SYT1: variants seen among roughly 807,000 people sequenced by gnomAD.
The protein encoded by SYT1 is synaptotagmin-1.
A neutral mutation model predicts 44.8 loss-of-function variants in SYT1; 8 were observed. That is an observed-to-expected ratio of 0.18 (90% CI 0.10 to 0.32). The LOEUF is 0.32. Among genes scored for constraint, SYT1 ranks in the 10% least tolerant of loss-of-function variants. SYT1 has a pLI of 1.00. For missense variants in SYT1, 286 were observed against 509.3 expected, an observed-to-expected ratio of 0.56 and a Z score of 4.22; for synonymous variants, 154 against 188.8, an observed-to-expected ratio of 0.82 and a Z score of 1.51.
chr12:79,110,738 G>A (rs1029998762), intron 3 of SYT1, among the ~76,000 whole-genome samples: 3 of 152,058 alleles, frequency 2.0e-5, no homozygotes, highest in African/African-American at 7.2e-5. Flanking sequence ...TCAAAATAAA[G>A]CATAAATAGA....
chr12:79,068,281 C>T (rs1423035587), intron 3 of SYT1, among the ~76,000 whole-genome samples: 1 of 152,080 alleles, frequency 6.6e-6, no homozygotes, highest in African/African-American at 2.4e-5. Flanking sequence ...GTAAATTAAA[C>T]TTTAAAAAGC....
At chr12:78,886,657 A>G (rs1039903528) in intron 1 of SYT1, among the ~76,000 whole-genome samples, 31 of 152,052 alleles carry the variant, frequency 2.0e-4, no homozygotes, top group African/African-American at 7.5e-4. Context: ...GCCTGCTCTG[A>G]GATGAGCATT....
At chr12:79,165,860 A>G (rs571386379) in intron 3 of SYT1, among the ~76,000 whole-genome samples, 1 of 152,160 alleles carries the variant, frequency 6.6e-6, no homozygotes, top group South Asian at 2.1e-4. Flanking sequence ...TTTTCTTTTG[A>G]AGAATAATAT....
At chr12:79,405,815 T>C (rs1835484267) in intron 9 of SYT1, among the ~76,000 whole-genome samples, 1 of 152,100 alleles carries the variant, frequency 6.6e-6, no homozygotes, top group Admixed American at 6.6e-5. Flanking sequence ...TCTGTTTCCA[T>C]GATTGTCTCC....
chr12:79,181,045 C>T (rs945164308), intron 3 of SYT1, among the ~76,000 whole-genome samples: 1 of 152,086 alleles, frequency 6.6e-6, no homozygotes, highest in Admixed American at 6.6e-5. Context: ...GACGTATATG[C>T]GTCCTCTCTG....
In SYT1 at chr12:79,130,009, T is replaced by TG. The variant is rs1395753328; in HGVS notation, c.-18+82647_-18+82648insG. ...AAAAGTAACATTTTTAGATTAAAAG[T>TG]TTGCAGATCTTTATCAGAAACCTTT... On this transcript the variant is annotated intron_variant, in intron 3 of 10. Transcript: ENST00000261205. Among the ~76,000 whole-genome samples, 4 of 152,324 alleles carry TG rather than the reference T, an allele frequency of 2.6e-5. No individual in the cohort carries two copies. In the East Asian group the frequency reaches 7.7e-4, roughly 29 times the overall value.
chr12:79,450,652 A>G lies in SYT1; in HGVS notation c.*1528A>G, dbSNP rs535280735. ...AGCACTCAATTTATTCCGTAGTGATATTGTAACAATACTGCCATTCCCTTC... is the reference window on the plus strand; with the variant it reads ...AGCACTCAATTTATTCCGTAGTGATGTTGTAACAATACTGCCATTCCCTTC... On this transcript the variant is annotated 3_prime_UTR_variant, in exon 11 of 11. Coordinates refer to ENST00000261205, the MANE Select transcript of SYT1 (RefSeq NM_005639.3). 1.3e-5 allele frequency: 2 copies of G among 152,774 alleles called. No individual in the cohort carries two copies. Among genetic ancestry groups the G allele is most frequent in the South Asian group, 4.1e-4 (2 of 4,828 alleles). 9.5% of individuals were successfully genotyped at this position (152,774 alleles called of 1,614,324 possible).
chr12:79,317,946 G>T lies in SYT1; in HGVS notation c.810+18395G>T, dbSNP rs190619391. On this transcript the variant is annotated intron_variant, in intron 8 of 10. Coordinates refer to ENST00000261205, the MANE Select transcript of SYT1 (RefSeq NM_005639.3). ...TTTTGGTGTGTTAATGTCAGCAAGG[G>T]TTGTAAAATGAGTTTTGGAATGGCA... Among the ~76,000 whole-genome samples, 34 of 152,242 alleles carry T rather than the reference G, an allele frequency of 2.2e-4. No individual in the cohort carries two copies. In the East Asian group the frequency reaches 6.2e-3, roughly 28 times the overall value.
At chr12:79,378,659 A>G (rs188919914) in intron 9 of SYT1, among the ~76,000 whole-genome samples, 1 of 152,320 alleles carries the variant, frequency 6.6e-6, no homozygotes, top group East Asian at 1.9e-4. Flanking sequence ...ATAAAAAGAA[A>G]CAAAACATGA....
chr12:79,183,889 A>C (rs1047126459), intron 3 of SYT1, among the ~76,000 whole-genome samples: 3 of 152,100 alleles, frequency 2.0e-5, no homozygotes, highest in African/African-American at 7.2e-5. Context: ...AACAAGAAGC[A>C]CAAGCACAAT....
rs1878871506 is a variant in SYT1, at chr12:79,278,631, C to T, written c.167-7156C>T. Among the ~76,000 whole-genome samples the T allele has an allele frequency of 2.0e-5, 3 of 151,876 alleles. 1 individual carries two copies. Among genetic ancestry groups the T allele is most frequent in the Non-Finnish European group, 4.4e-5 (3 of 67,856 alleles). On this transcript the variant is annotated intron_variant, in intron 4 of 10. Transcript: ENST00000261205. ...TAGAAAAACAAGAACAAACCAAACC[C>T]AAACCTAGCAGAAGAAAAGAAATAA...
chr12:78,889,397 C>A (rs1376162738), intron 1 of SYT1, among the ~76,000 whole-genome samples: 1 of 151,870 alleles, frequency 6.6e-6, no homozygotes, highest in Admixed American at 6.6e-5. Flanking sequence ...GGTTGAGGAA[C>A]TTGTAATATA....
intron 1 of SYT1, among the ~76,000 whole-genome samples, chr12:78,969,636 C>A (rs1195340317): frequency 2.0e-5 from 3 of 152,056 alleles, no homozygotes; most frequent in Non-Finnish European, 2.9e-5. Flanking sequence ...ATGACTTATT[C>A]CAGAAGTTTG....
intron 1 of SYT1, among the ~76,000 whole-genome samples, chr12:78,910,328 A>C (rs943318073): frequency 1.3e-5 from 2 of 151,962 alleles, no homozygotes; most frequent in African/African-American, 4.8e-5. Flanking sequence ...TAGTTCTTAT[A>C]GTTCCTTTAT....
intron 4 of SYT1, among the ~76,000 whole-genome samples, chr12:79,281,294 C>T (rs775292663): frequency 2.6e-5 from 4 of 151,806 alleles, no homozygotes; most frequent in Non-Finnish European, 5.9e-5. Context: ...ATGTCAGATA[C>T]GGATATAGAG....
chr12:78,922,780 GAAT>G, intron 1 of SYT1, among the ~76,000 whole-genome samples: 1 of 151,978 alleles, frequency 6.6e-6, no homozygotes, highest in African/African-American at 2.4e-5. Context: ...TGTTCTCTTT[GAAT>G]TATAAAGGAG....
chr12:79,261,236 A>T (rs1877813646), intron 4 of SYT1, among the ~76,000 whole-genome samples: 1 of 152,214 alleles, frequency 6.6e-6, no homozygotes, highest in Non-Finnish European at 1.5e-5. Context: ...GCCAACCTTC[A>T]CTGCCTACAA....
intron 3 of SYT1, among the ~76,000 whole-genome samples, chr12:79,151,467 G>GA (rs1870266796): frequency 6.6e-6 from 1 of 152,146 alleles, no homozygotes; most frequent in African/African-American, 2.4e-5. Context: ...TCACTGAAGG[G>GA]ATCATATATC....
intron 3 of SYT1, among the ~76,000 whole-genome samples, chr12:79,152,283 G>A (rs1309227436): frequency 2.0e-5 from 3 of 152,142 alleles, no homozygotes; most frequent in Non-Finnish European, 4.4e-5. Context: ...AATTTGATCA[G>A]GAGGAGAGAG....
Sources: gnomAD v4.1 joint callset for allele counts (sites outside exome capture counted in the v4.1 genomes callset) on GRCh38, gnomAD v4.1.1 for gene constraint, MANE v1.5 for transcripts, NCBI Gene and HGNC (gene_info 2026-07-23, HGNC 2026-07-21) for gene names.